The following STARD13 variants were observed in gnomAD, a reference collection of about 807,000 sequenced individuals.
The protein encoded by STARD13 is StAR related lipid transfer domain containing 13, also known as stAR-related lipid transfer protein 13.
A neutral mutation model predicts 106.4 loss-of-function variants in STARD13; 62 were observed. The observed-to-expected ratio is 0.58, with a 90% CI of 0.48 to 0.72. The LOEUF is 0.72. STARD13 is among the 30% of genes least tolerant of loss of function. STARD13 has a pLI of 0.00. For synonymous variants in STARD13, 565 were observed against 553.0 expected (o/e 1.02, Z -0.31); for missense variants, 1,387 against 1,424.0 (o/e 0.97, Z 0.42).
intron 3 of STARD13, among the ~76,000 whole-genome samples, chr13:33,163,731 A>AAACATATATATATAACATATATATAT (rs1348241719): frequency 4.5e-4 from 35 of 78,502 alleles, no homozygotes; most frequent in Non-Finnish European, 8.8e-4. Context: ...AACATATATA[A>AAACATATATATATAACATATATATAT]AACATATATA....
the STARD13 span, among the ~76,000 whole-genome samples, chr13:33,357,330 C>A: frequency 2.0e-5 from 3 of 152,200 alleles, no homozygotes; most frequent in Non-Finnish European, 2.9e-5. Flanking sequence ...GTTCAACAAA[C>A]CTTTGGCATC....
At chr13:33,468,273 C>T in the STARD13 span, among the ~76,000 whole-genome samples, 2 of 152,324 alleles carry the variant, frequency 1.3e-5, no homozygotes, top group East Asian at 1.9e-4. Flanking sequence ...TCTCTACAGG[C>T]CCCTGATGTG....
chr13:33,432,013 C>T, the STARD13 span, among the ~76,000 whole-genome samples: 4 of 152,004 alleles, frequency 2.6e-5, no homozygotes, highest in Non-Finnish European at 4.4e-5. Flanking sequence ...TCAGAGTAAG[C>T]CAGGTAGAGA....
chr13:33,385,593 C>T, the STARD13 span, among the ~76,000 whole-genome samples: 1 of 151,304 alleles, frequency 6.6e-6, no homozygotes, highest in Non-Finnish European at 1.5e-5. Flanking sequence ...GGCGCGGTGG[C>T]TCACGCCTGT....
At chr13:33,348,126 C>T (rs1333020888), downstream of STARD13, among the ~76,000 whole-genome samples, 2 of 152,150 alleles carry the variant, frequency 1.3e-5, no homozygotes, top group Non-Finnish European at 2.9e-5. Flanking sequence ...CCACTGTGAG[C>T]AGAGTGGTAA....
chr13:33,494,239 A>G, the STARD13 span, among the ~76,000 whole-genome samples: 1 of 152,140 alleles, frequency 6.6e-6, no homozygotes, highest in African/African-American at 2.4e-5. Context: ...GCCACCCAGT[A>G]TCCCCTTTCT....
chr13:33,202,154 C>T (rs1157134670), intron 1 of STARD13, among the ~76,000 whole-genome samples: 4 of 152,074 alleles, frequency 2.6e-5, no homozygotes, highest in Non-Finnish European at 4.4e-5. Flanking sequence ...CACAGATATG[C>T]CAAGGCTCTC....
chr13:33,140,177 A>G lies in STARD13; in HGVS notation c.387+2133T>C, dbSNP rs143022291. Among the ~76,000 whole-genome samples the G allele has an allele frequency of 3.2e-3, 481 of 152,352 alleles. 2 individuals are homozygous for G. The highest frequency in any genetic ancestry group is 5.7e-3 in the Non-Finnish European group (388 of 68,024). On this transcript the variant is annotated intron_variant, in intron 4 of 13. Transcript: ENST00000336934. ...GCCCATCTCGCCTCTGGGTTTTGAA[A>G]AGCTGGTGACAGGGTAAAAATCCAA...
the STARD13 span, among the ~76,000 whole-genome samples, chr13:33,409,597 T>C: frequency 5.3e-4 from 80 of 152,352 alleles, 2 homozygotes; most frequent in East Asian, 0.014. Flanking sequence ...GAGAAATGTA[T>C]TAAGTACGTT....
At position 33,106,755 on chromosome 13, in the gene STARD13, T is replaced by C; in HGVS notation, c.3224+3A>G. 1 of 1,603,054 alleles carries C rather than the reference T, an allele frequency of 6.2e-7. No homozygotes were observed. The highest frequency in any genetic ancestry group is 8.5e-7 in the Non-Finnish European group (1 of 1,172,832). ...GCCTGCCATTAAGGGAGTCAGCACTTACTTCAGGTCTATCCTGCAGATGTG... is the reference window on the plus strand; with the variant it reads ...GCCTGCCATTAAGGGAGTCAGCACTCACTTCAGGTCTATCCTGCAGATGTG... On this transcript the variant is annotated splice_donor_region_variant and intron_variant, in intron 13 of 13. Coordinates refer to ENST00000336934, the MANE Select transcript of STARD13 (RefSeq NM_178006.4).
chr13:33,540,679 T>G, the STARD13 span, among the ~76,000 whole-genome samples: 1 of 152,208 alleles, frequency 6.6e-6, no homozygotes, highest in South Asian at 2.1e-4. Flanking sequence ...ACAAATAGAT[T>G]CGATGGTGGG....
the STARD13 span, among the ~76,000 whole-genome samples, chr13:33,608,537 A>G: frequency 6.6e-6 from 1 of 152,222 alleles, no homozygotes; most frequent in Non-Finnish European, 1.5e-5. Context: ...AGAAAAGTAA[A>G]TCAATGAGCA....
chr13:33,531,858 A>C, the STARD13 span, among the ~76,000 whole-genome samples: 1 of 152,210 alleles, frequency 6.6e-6, no homozygotes, highest in Non-Finnish European at 1.5e-5. Flanking sequence ...TGACAGAATT[A>C]TAATATTCCA....
intron 1 of STARD13, among the ~76,000 whole-genome samples, chr13:33,205,386 T>C (rs994946275): frequency 1.3e-5 from 2 of 152,200 alleles, no homozygotes; most frequent in South Asian, 4.1e-4. Context: ...ACGTAGCCCA[T>C]GGAATTAAGC....
chr13:33,142,347 G>T lies in STARD13; in HGVS notation c.350C>A (p.Ala117Asp), dbSNP rs1433051907. 7 of 1,613,966 alleles carry T rather than the reference G, an allele frequency of 4.3e-6. No individual in the cohort carries two copies. The highest frequency in any genetic ancestry group is 5.1e-6 in the Non-Finnish European group (6 of 1,179,930). The part of the protein sequence containing the change: ...CRRLNTLNKC[A>D]SMKLDVNFQR... The stretch of plus-strand genomic sequence containing the variant: ...GAAGTTCACATCAAGTTTCATTGAG[G>T]CACACTTGTTCAACGTATTTAGTCG... Residue 117 changes from alanine to aspartate, a missense_variant, in exon 4 of 14, where the codon GCC (alanine) becomes GAC (aspartate). Coordinates refer to ENST00000336934, the MANE Select transcript of STARD13 (RefSeq NM_178006.4).
chr13:33,341,420 C>A (rs1410935741), intron 1 of STARD13, among the ~76,000 whole-genome samples: 2 of 152,040 alleles, frequency 1.3e-5, no homozygotes, highest in African/African-American at 4.8e-5. Flanking sequence ...GGGCGGATCA[C>A]AAGGTCAGGA....
chr13:33,355,109 A>G (rs1325237582), upstream of STARD13: 3 of 152,202 alleles, frequency 2.0e-5, no homozygotes, highest in Non-Finnish European at 4.4e-5. Flanking sequence ...ATTACAAATA[A>G]TCCTGCGATA....
the STARD13 span, among the ~76,000 whole-genome samples, chr13:33,399,700 C>CAAAAAAAAAAAAAAAAAAAAAAAAAA: frequency 3.7e-5 from 1 of 26,948 alleles, no homozygotes; most frequent in Non-Finnish European, 9.0e-5. Context: ...GACTCTGTCT[C>CAAAAAAAAAAAAAAAAAAAAAAAAAA]AAAAAAAAAA....
chr13:33,258,568 G>A (rs1422865003), intron 1 of STARD13, among the ~76,000 whole-genome samples: 1 of 152,100 alleles, frequency 6.6e-6, no homozygotes, highest in Admixed American at 6.5e-5. Flanking sequence ...AAACATTTCA[G>A]GCTATTTCTA....
Sources: gnomAD v4.1 joint callset for allele counts (sites outside exome capture counted in the v4.1 genomes callset) on GRCh38, gnomAD v4.1.1 for gene constraint, MANE v1.5 for transcripts, NCBI Gene and HGNC (gene_info 2026-07-23, HGNC 2026-07-21) for gene names.